Variants in CACNA1B observed in about 807,000 individuals in gnomAD.
CACNA1B encodes voltage-dependent N-type calcium channel subunit alpha-1B.
Under a neutral mutation model 247.2 loss-of-function variants are expected in CACNA1B, and 70 were observed. The observed-to-expected ratio is 0.28, with a 90% CI of 0.23 to 0.35. CACNA1B has a LOEUF of 0.35. CACNA1B is among the 10% of genes least tolerant of loss of function. The probability of loss-of-function intolerance (pLI) is 1.00; values close to 1 mark genes in which losing one functional copy is unlikely to be tolerated. For synonymous variants in CACNA1B, 1,231 were observed against 1,294.4 expected (o/e 0.95, Z 1.05); for missense variants, 2,367 against 3,197.4 (o/e 0.74, Z 6.26).
rs12347462 is a variant in CACNA1B, at chr9:138,068,531, G to T, written c.4669-1227G>T. Reference sequence around the variant, plus strand: ...TGCCTCCTCCCTGTGCGTCTCGCCCGGAAGCATTTAGTCCCAGTGCGCTTT... The same window carrying T: ...TGCCTCCTCCCTGTGCGTCTCGCCCTGAAGCATTTAGTCCCAGTGCGCTTT... On this transcript the variant is annotated intron_variant, in intron 31 of 46. Transcript: ENST00000371372. 3.1e-5 allele frequency: 16 copies of T among 508,912 alleles called. No homozygotes were observed. In the East Asian group the frequency reaches 8.9e-4, roughly 28 times the overall value. 31.5% of individuals were successfully genotyped at this position (508,912 alleles called of 1,614,324 possible).
intron 6 of CACNA1B, among the ~76,000 whole-genome samples, chr9:137,935,196 G>A (rs1466341300): frequency 2.0e-5 from 3 of 152,086 alleles, no homozygotes; most frequent in Non-Finnish European, 4.4e-5. Context: ...TTGGTTTGCT[G>A]CACTCGTTAA....
chr9:138,035,395 A>G (rs1198186418), intron 20 of CACNA1B, among the ~76,000 whole-genome samples: 1 of 152,182 alleles, frequency 6.6e-6, no homozygotes, highest in African/African-American at 2.4e-5. Context: ...GGAGGTGGAG[A>G]CTGCAGTGAG....
chr9:137,993,818 G>C (rs1386939968), intron 15 of CACNA1B, among the ~76,000 whole-genome samples: 3 of 152,170 alleles, frequency 2.0e-5, no homozygotes, highest in African/African-American at 7.2e-5. Flanking sequence ...ACAAGGTAGA[G>C]AAAGAGGGAA....
chr9:138,112,668 CT>C (rs369734308), intron 40 of CACNA1B, among the ~76,000 whole-genome samples, 163 bp downstream of exon 40: 24 of 152,308 alleles, frequency 1.6e-4, no homozygotes, highest in African/African-American at 5.5e-4. Flanking sequence ...CAAGAGAGCC[CT>C]GGGTGGCAGA....
intron 7 of CACNA1B, among the ~76,000 whole-genome samples, chr9:137,953,047 G>C (rs1957897273): frequency 6.6e-6 from 1 of 152,196 alleles, no homozygotes; most frequent in Non-Finnish European, 1.5e-5. Flanking sequence ...TGCTGGAGAA[G>C]GTGGAGAAAG....
At position 138,011,661 on chromosome 9, in the gene CACNA1B, G is replaced by T. The variant is rs2133420988; in HGVS notation, c.2161-1468G>T. Among the ~76,000 whole-genome samples, 1 of 152,338 alleles carries T rather than the reference G, an allele frequency of 6.6e-6. No individual in the cohort carries two copies. The highest frequency in any genetic ancestry group is 2.1e-4 in the South Asian group (1 of 4,828). On this transcript the variant is annotated intron_variant, in intron 17 of 46. Coordinates refer to ENST00000371372, the MANE Select transcript of CACNA1B (RefSeq NM_000718.4). This position sits in a 1 kb window ranked among gnomAD's most constrained non-coding sequence, Gnocchi z 4.2. ...CCCTGCCCCAGAGGGTGGGAAGCTG[G>T]ATGCAGCCGGATCTGCGAGGAGGGA...
At position 138,110,951 on chromosome 9, in the gene CACNA1B, C is replaced by A. The variant is rs561572488; in HGVS notation, c.5429-1447C>A. On this transcript the variant is annotated intron_variant, in intron 39 of 46. Coordinates refer to ENST00000371372, the MANE Select transcript of CACNA1B (RefSeq NM_000718.4). ...AAACACATGCAAAAATGCTTGATGT[C>A]ATTAATCATTAGACAAATCCAGAAT... Among the ~76,000 whole-genome samples, 13 of 150,920 alleles carry A rather than the reference C, an allele frequency of 8.6e-5. No individual in the cohort carries two copies. The East Asian group carries it at 2.6e-3, about 30-fold the overall frequency.
In CACNA1B at chr9:138,057,173, G is replaced by A. The variant is rs372249215; in HGVS notation, c.3969-559G>A. On this transcript the variant is annotated intron_variant, in intron 26 of 46. Coordinates refer to ENST00000371372, the MANE Select transcript of CACNA1B (RefSeq NM_000718.4). This position sits in a 1 kb window ranked among gnomAD's most constrained non-coding sequence, Gnocchi z 4.0. ...AGGATGGTCTCCATCTCCTGACCTC[G>A]TGATCCGCCCGCCTCGGCCTCCCAA... Among the ~76,000 whole-genome samples, 4 of 152,006 alleles carry A rather than the reference G, an allele frequency of 2.6e-5. No homozygotes were observed. The highest frequency in any genetic ancestry group is 5.9e-5 in the Non-Finnish European group (4 of 67,992).
rs1160865673 is a variant in CACNA1B at position 138,020,957 on chromosome 9, C to T, written c.2268-2054C>T. ...CTGCAATGCTGGTCCCCAAGATTCA[C>T]GGCTTCATCAGAGCGGGCCACCCTG... On this transcript the variant is annotated intron_variant, in intron 18 of 46. Transcript: ENST00000371372. This position sits in a 1 kb window ranked among gnomAD's most constrained non-coding sequence, Gnocchi z 4.1. Among the ~76,000 whole-genome samples, 8 of 152,304 alleles carry T rather than the reference C, an allele frequency of 5.3e-5. No homozygotes were observed. The South Asian group carries it at 6.2e-4, about 12-fold the overall frequency.
chr9:138,015,488 C>A, intron 18 of CACNA1B, among the ~76,000 whole-genome samples: 1 of 146,864 alleles, frequency 6.8e-6, no homozygotes, highest in East Asian at 1.9e-4. Flanking sequence ...ACGAGCAGCG[C>A]TGCCTCCTGC....
At chr9:138,066,483 G>A (rs1959920574) in intron 31 of CACNA1B, among the ~76,000 whole-genome samples, 1 of 152,096 alleles carries the variant, frequency 6.6e-6, no homozygotes, top group Non-Finnish European at 1.5e-5. Context: ...GGAGGCAGGA[G>A]GAGAGAGACA....
At chr9:137,916,442 G>T (rs1370246659) in intron 5 of CACNA1B, among the ~76,000 whole-genome samples, 1 of 152,132 alleles carries the variant, frequency 6.6e-6, no homozygotes, top group Non-Finnish European at 1.5e-5. Flanking sequence ...TGGTTTTCTG[G>T]TCTTTCTTTA....
chr9:137,990,580 AC>A lies in CACNA1B; in HGVS notation c.1974+3729del, dbSNP rs1958420710. 1.3e-5 allele frequency among the ~76,000 whole-genome samples: 2 copies of A among 151,566 alleles called. No individual in the cohort carries two copies. Among genetic ancestry groups the A allele is most frequent in the African/African-American group, 4.9e-5 (2 of 41,150 alleles). ...ACACTTAACAAAAATACAGCCGAGG[AC>A]CCTCACAGAGTCCACTTCACTCCCC... On this transcript the variant is annotated intron_variant, in intron 15 of 46. Coordinates refer to ENST00000371372, the MANE Select transcript of CACNA1B (RefSeq NM_000718.4). The surrounding 1 kb of genome is among the most constrained non-coding windows in gnomAD (Gnocchi z 4.5).
At chr9:138,070,954 C>T (rs544095449) in intron 32 of CACNA1B, among the ~76,000 whole-genome samples, 14 of 152,350 alleles carry the variant, frequency 9.2e-5, no homozygotes, top group African/African-American at 2.9e-4. Context: ...GCCCACAGAT[C>T]GGGGTGGGGT....
chr9:138,024,439 C>T (rs185742905), intron 19 of CACNA1B, among the ~76,000 whole-genome samples: 86 of 152,350 alleles, frequency 5.6e-4, no homozygotes, highest in Admixed American at 9.8e-4. Context: ...CCAGGGTCAA[C>T]CCAGCCGCCG....
At chr9:137,883,502 C>A (rs1174489862) in intron 3 of CACNA1B, among the ~76,000 whole-genome samples, 1 of 151,420 alleles carries the variant, frequency 6.6e-6, no homozygotes, top group African/African-American at 2.4e-5. Flanking sequence ...AGAAGATGGA[C>A]CCAAGGGGCC....
At chr9:138,064,688 A>G (rs538416025) in intron 31 of CACNA1B, among the ~76,000 whole-genome samples, 1 of 152,284 alleles carries the variant, frequency 6.6e-6, no homozygotes, top group African/African-American at 2.4e-5. Context: ...CTTGGTTGCC[A>G]TTGAGGCCTC....
At chr9:137,998,395 G>A (rs1040257969) in intron 15 of CACNA1B, among the ~76,000 whole-genome samples, 1 of 152,148 alleles carries the variant, frequency 6.6e-6, no homozygotes, top group African/African-American at 2.4e-5. Flanking sequence ...CAGATCACTT[G>A]AGGTCAGGCG....
chr9:138,079,264 A>G (rs1190843392), intron 36 of CACNA1B, among the ~76,000 whole-genome samples: 1 of 152,104 alleles, frequency 6.6e-6, no homozygotes, highest in African/African-American at 2.4e-5. Flanking sequence ...GTAGGGGAAG[A>G]ACAGTGTTCA....
Sources: gnomAD v4.1 joint callset for allele counts (sites outside exome capture counted in the v4.1 genomes callset) on GRCh38, gnomAD v4.1.1 for gene constraint, Gnocchi (gnomAD v3.1) non-coding constraint, MANE v1.5 for transcripts, NCBI Gene and HGNC (gene_info 2026-07-23, HGNC 2026-07-21) for gene names.